Variants in PBX1 observed in about 807,000 individuals in gnomAD.
PBX1 encodes the protein PBX homeobox 1.
A neutral mutation model predicts 53.4 loss-of-function variants in PBX1; 6 were observed. The observed-to-expected ratio is 0.11, with a 90% CI of 0.06 to 0.22. The LOEUF (loss-of-function observed/expected upper bound fraction) is 0.22, where lower values mean the gene tolerates loss of function less well. Among genes scored for constraint, PBX1 ranks in the 10% least tolerant of loss-of-function variants. The pLI is 1.00. For missense variants in PBX1, 251 were observed against 551.4 expected (o/e 0.46, Z 5.46); for synonymous variants, 204 against 212.3 (o/e 0.96, Z 0.34).
chr1:164,766,222 T>TAA, intron 2 of PBX1, among the ~76,000 whole-genome samples: 2 of 152,246 alleles, frequency 1.3e-5, no homozygotes, highest in Non-Finnish European at 2.9e-5. Flanking sequence ...AGAAGGACAG[T>TAA]TTAAATGTGG....
chr1:164,713,434 A>G (rs1018977875), intron 2 of PBX1, among the ~76,000 whole-genome samples: 42 of 152,192 alleles, frequency 2.8e-4, no homozygotes, highest in African/African-American at 9.2e-4. Context: ...AAGATTGAAG[A>G]TATTGTTTGC....
At chr1:164,841,697 G>T (rs769574663) in intron 8 of PBX1, among the ~76,000 whole-genome samples, 1 of 152,170 alleles carries the variant, frequency 6.6e-6, no homozygotes, top group African/African-American at 2.4e-5. Flanking sequence ...TGATAGAAGA[G>T]TGATGAATCT....
At chr1:164,641,617 T>A (rs1419920112) in intron 2 of PBX1, 1 of 152,204 alleles carries the variant, frequency 6.6e-6, no homozygotes, top group Non-Finnish European at 1.5e-5. Context: ...ACAGAGGCAG[T>A]TAATGAAGAA....
chr1:164,732,467 G>T (rs1366273369), intron 2 of PBX1, among the ~76,000 whole-genome samples: 1 of 152,086 alleles, frequency 6.6e-6, no homozygotes, highest in Non-Finnish European at 1.5e-5. Context: ...TCTAGCAGAT[G>T]ACATTGCCTT....
intron 2 of PBX1, among the ~76,000 whole-genome samples, chr1:164,617,299 C>T (rs568452653): frequency 3.0e-4 from 46 of 152,204 alleles, no homozygotes; most frequent in Non-Finnish European, 5.4e-4. Context: ...AGCTGCCTCA[C>T]AAATGCATGT....
At chr1:164,798,298 T>G (rs1438671742) in intron 3 of PBX1, among the ~76,000 whole-genome samples, 2 of 152,254 alleles carry the variant, frequency 1.3e-5, no homozygotes, top group African/African-American at 4.8e-5. Context: ...ATAACGAGCG[T>G]GTTTCTGCTG....
At chr1:164,679,350 G>A (rs565769026) in intron 2 of PBX1, among the ~76,000 whole-genome samples, 2 of 152,212 alleles carry the variant, frequency 1.3e-5, no homozygotes, top group South Asian at 4.2e-4. Context: ...TGAGACCATC[G>A]GCTGCTGTGG....
At chr1:164,854,184 G>A (rs1671925740), downstream of PBX1, 1 of 151,980 alleles carries the variant, frequency 6.6e-6, no homozygotes, top group Admixed American at 6.6e-5. Context: ...GGGATTACAG[G>A]CATGAGCCAC....
At chr1:164,704,760 A>G (rs1340682962) in intron 2 of PBX1, among the ~76,000 whole-genome samples, 2 of 152,138 alleles carry the variant, frequency 1.3e-5, no homozygotes, top group East Asian at 3.9e-4. Flanking sequence ...TCCTCTGTTC[A>G]TTGAAGGATG....
intron 2 of PBX1, among the ~76,000 whole-genome samples, chr1:164,883,072 C>A (rs994072163): frequency 6.6e-6 from 1 of 152,142 alleles, no homozygotes; most frequent in African/African-American, 2.4e-5. Flanking sequence ...ATCTTTCAAG[C>A]TCTTTAGGTG....
Position 164,847,513 on chromosome 1 carries a change from A to C in PBX1, c.*837A>C. ...TCAGCACTGAGAAAGCAATATTTAG[A>C]ACCTATTGCAAAACTGGGCCTGAGT... On this transcript the variant is annotated 3_prime_UTR_variant, in exon 9 of 9. Coordinates refer to ENST00000420696, the MANE Select transcript of PBX1 (RefSeq NM_002585.4). 1 of 1,061,908 alleles carries C rather than the reference A, an allele frequency of 9.4e-7. No homozygotes were observed. The highest frequency in any genetic ancestry group is 5.1e-5 in the East Asian group (1 of 19,688). The allele number at this position is 1,061,908 out of a possible 1,614,324, so 65.8% of individuals were successfully genotyped here.
chr1:164,581,813 T>A (rs953544363), intron 2 of PBX1, among the ~76,000 whole-genome samples: 14 of 152,200 alleles, frequency 9.2e-5, no homozygotes, highest in African/African-American at 3.4e-4. Context: ...AATCTACTAA[T>A]TTACCTTTAA....
chr1:164,676,425 C>G (rs750971478), intron 2 of PBX1, among the ~76,000 whole-genome samples: 5 of 152,106 alleles, frequency 3.3e-5, no homozygotes, highest in Non-Finnish European at 5.9e-5. Context: ...GCCAAAGCGT[C>G]AAACCAAGAA....
At chr1:164,735,188 T>C (rs530102599) in intron 2 of PBX1, among the ~76,000 whole-genome samples, 9 of 152,362 alleles carry the variant, frequency 5.9e-5, no homozygotes, top group African/African-American at 1.9e-4. Flanking sequence ...ATGAACTGTT[T>C]AGATAGAAGT....
At chr1:164,885,688 A>G (rs1166439373) in intron 2 of PBX1, among the ~76,000 whole-genome samples, 7 of 151,452 alleles carry the variant, frequency 4.6e-5, no homozygotes, top group African/African-American at 2.5e-5. Context: ...TACCTACCTC[A>G]GGGTCTTTGC....
At chr1:164,586,192 A>G (rs962371712) in intron 2 of PBX1, among the ~76,000 whole-genome samples, 2 of 152,196 alleles carry the variant, frequency 1.3e-5, no homozygotes, top group Admixed American at 6.5e-5. Flanking sequence ...TATTGCTGTA[A>G]TGTGTTCAGA....
intron 3 of PBX1, among the ~76,000 whole-genome samples, chr1:164,796,999 A>G (rs1164140651): frequency 6.6e-6 from 1 of 152,130 alleles, no homozygotes; most frequent in African/African-American, 2.4e-5. Context: ...CAGGTACTGG[A>G]AAAATCTGGA....
At chr1:164,786,585 T>A (rs528067471) in intron 2 of PBX1, among the ~76,000 whole-genome samples, 1 of 152,086 alleles carries the variant, frequency 6.6e-6, no homozygotes, top group South Asian at 2.1e-4. Flanking sequence ...TTAAAAGAAA[T>A]TAGGAAATCA....
chr1:164,834,366 CAG>C (rs1238964996), intron 8 of PBX1, among the ~76,000 whole-genome samples: 1 of 142,662 alleles, frequency 7.0e-6, no homozygotes, highest in Non-Finnish European at 1.5e-5. Context: ...TTTTTTGAGA[CAG>C]AGTCTCACTC....
Sources: gnomAD v4.1 joint callset for allele counts (sites outside exome capture counted in the v4.1 genomes callset) on GRCh38, gnomAD v4.1.1 for gene constraint, MANE v1.5 for transcripts, NCBI Gene and HGNC (gene_info 2026-07-23, HGNC 2026-07-21) for gene names.